The following RIT2 variants were observed in gnomAD, a reference collection of about 807,000 sequenced individuals.
RIT2 encodes the protein GTP-binding protein Rit2.
A neutral mutation model predicts 23.7 loss-of-function variants in RIT2; 24 were observed. That is an observed-to-expected ratio of 1.01 (90% CI 0.73 to 1.43). RIT2 has a LOEUF of 1.43. Among genes scored for constraint, RIT2 ranks in the 40% most tolerant of loss-of-function variants. RIT2 has a pLI of 0.00. For synonymous variants in RIT2, 107 were observed against 91.1 expected (o/e 1.17, Z -0.99); for missense variants, 236 against 266.9 (o/e 0.88, Z 0.81).
intron 4 of RIT2, among the ~76,000 whole-genome samples, chr18:42,864,610 A>G (rs1178194702): frequency 6.6e-6 from 1 of 152,138 alleles, no homozygotes; most frequent in African/African-American, 2.4e-5. Flanking sequence ...GAAATTCTTG[A>G]GTTTTTAGGG....
intron 3 of RIT2, among the ~76,000 whole-genome samples, chr18:42,930,590 A>T (rs2144144204): frequency 6.6e-6 from 1 of 152,270 alleles, no homozygotes; most frequent in African/African-American, 2.4e-5. Flanking sequence ...CAGTTTTTGT[A>T]GCCCTGGATC....
chr18:42,901,197 A>G (rs971324967), intron 4 of RIT2, among the ~76,000 whole-genome samples: 3 of 152,070 alleles, frequency 2.0e-5, no homozygotes, highest in Non-Finnish European at 4.4e-5. Flanking sequence ...GCTTGAGTTC[A>G]TATTAGTTTA....
At chr18:42,980,535 C>T (rs940384706) in intron 2 of RIT2, among the ~76,000 whole-genome samples, 5 of 152,074 alleles carry the variant, frequency 3.3e-5, no homozygotes, top group East Asian at 1.9e-4. Context: ...TGATACCCCC[C>T]GGAGATTCCC....
chr18:43,098,700 T>G (rs1410168347), intron 1 of RIT2, among the ~76,000 whole-genome samples: 1 of 152,000 alleles, frequency 6.6e-6, no homozygotes, highest in Non-Finnish European at 1.5e-5. Context: ...AAGAATTCAT[T>G]GGAAGCCTAT....
At chr18:43,094,012 C>T (rs929538266) in intron 1 of RIT2, among the ~76,000 whole-genome samples, 2 of 151,198 alleles carry the variant, frequency 1.3e-5, no homozygotes, top group African/African-American at 2.4e-5. Context: ...GGAGCAAGCA[C>T]CAAAAATTCA....
At chr18:42,781,579 A>G (rs1913812511) in intron 4 of RIT2, among the ~76,000 whole-genome samples, 2 of 152,132 alleles carry the variant, frequency 1.3e-5, no homozygotes, top group Non-Finnish European at 2.9e-5. Context: ...CATATTCCTC[A>G]TGACTTTTAG....
chr18:42,974,785 TAAG>T (rs1390299637), intron 2 of RIT2, among the ~76,000 whole-genome samples: 6 of 152,014 alleles, frequency 3.9e-5, no homozygotes, highest in Admixed American at 2.6e-4. Flanking sequence ...AAGAGAAAAT[TAAG>T]AAATCAATTT....
intron 3 of RIT2, among the ~76,000 whole-genome samples, chr18:42,934,270 C>T (rs904028156): frequency 1.3e-5 from 2 of 152,076 alleles, no homozygotes; most frequent in Non-Finnish European, 2.9e-5. Context: ...TGTTTCATTG[C>T]ACTTTTAGAC....
chr18:42,757,530 T>C (rs1383660845), intron 4 of RIT2, among the ~76,000 whole-genome samples: 2 of 152,190 alleles, frequency 1.3e-5, no homozygotes, highest in East Asian at 3.9e-4. Context: ...AAATAAATTT[T>C]ACAAAAGTTC....
chr18:42,868,441 G>A (rs918569935), intron 4 of RIT2, among the ~76,000 whole-genome samples: 1 of 152,170 alleles, frequency 6.6e-6, no homozygotes, highest in Admixed American at 6.5e-5. Context: ...AACCAAGCCT[G>A]GCTTATCAAT....
chr18:42,897,447 G>C lies in RIT2; in HGVS notation c.426+26125C>G, dbSNP rs1469162110. 4.6e-5 allele frequency among the ~76,000 whole-genome samples: 7 copies of C among 152,154 alleles called. 1 individual carries two copies. The highest frequency in any genetic ancestry group is 2.9e-5 in the Non-Finnish European group (2 of 68,012). ...CCTTATAACTCTGTGACTGACAAAT[G>C]TAAGGACAGAAGAATAAAACATCTA... On this transcript the variant is annotated intron_variant, in intron 4 of 4. Transcript: ENST00000326695.
intron 4 of RIT2, among the ~76,000 whole-genome samples, chr18:42,778,690 T>TTG (rs1913737413): frequency 1.3e-5 from 1 of 76,514 alleles, no homozygotes; most frequent in Non-Finnish European, 4.5e-5. Context: ...CCTGTATCCT[T>TTG]TCTCGAGTCC....
rs76280801 is a variant in RIT2 at position 43,109,937 on chromosome 18, A to G, written c.103+5480T>C. On this transcript the variant is annotated intron_variant, in intron 1 of 4. Coordinates refer to ENST00000326695, the MANE Select transcript of RIT2 (RefSeq NM_002930.4). ...GAACCTTTTTCTGCTTTTCCCATAC[A>G]ATTTGATAGAAAAACAATTTAGATG... Among the ~76,000 whole-genome samples the G allele has an allele frequency of 4.7e-3, 715 of 152,244 alleles. 6 individuals are homozygous for G. The highest frequency in any genetic ancestry group is 0.016 in the African/African-American group (684 of 41,556).
chr18:42,960,106 G>C (rs1305948680), intron 3 of RIT2, among the ~76,000 whole-genome samples: 1 of 152,164 alleles, frequency 6.6e-6, no homozygotes, highest in Admixed American at 6.5e-5. Context: ...TTCTGTGGTA[G>C]ATTCCCAAGG....
chr18:42,948,856 C>T (rs1211875146), intron 3 of RIT2: 1 of 391,402 alleles, frequency 2.6e-6, no homozygotes, highest in Non-Finnish European at 4.5e-6. Flanking sequence ...TCCATTATAC[C>T]TCAAGAAACA....
intron 1 of RIT2, among the ~76,000 whole-genome samples, chr18:43,078,454 T>C (rs1300197865): frequency 6.6e-6 from 1 of 151,904 alleles, no homozygotes; most frequent in East Asian, 1.9e-4. Flanking sequence ...CTGCCACATG[T>C]ATAAATCTAC....
In RIT2 at chr18:42,882,617, T is replaced by A. The variant is rs185163768; in HGVS notation, c.426+40955A>T. ...CATAAAAAGAGGTCAGAAGTTGGTA[T>A]CAAGATCACTGGGTCTAGTCACTGT... On this transcript the variant is annotated intron_variant, in intron 4 of 4. Transcript: ENST00000326695. Among the ~76,000 whole-genome samples, 87 of 152,326 alleles carry A rather than the reference T, an allele frequency of 5.7e-4. 1 individual carries two copies. The highest frequency in any genetic ancestry group is 1.1e-3 in the Non-Finnish European group (76 of 68,034).
intron 2 of RIT2, among the ~76,000 whole-genome samples, chr18:43,026,527 C>G (rs1911722155): frequency 6.9e-6 from 1 of 144,614 alleles, no homozygotes; most frequent in Non-Finnish European, 1.5e-5. Flanking sequence ...GCACTCCAGC[C>G]TGGCAACAGA....
chr18:43,114,316 C>T (rs1914018556), intron 1 of RIT2, among the ~76,000 whole-genome samples: 1 of 152,030 alleles, frequency 6.6e-6, no homozygotes, highest in African/African-American at 2.4e-5. Flanking sequence ...CTATCTTTAA[C>T]TTTGTTGTCC....
Sources: gnomAD v4.1 joint callset for allele counts (sites outside exome capture counted in the v4.1 genomes callset) on GRCh38, gnomAD v4.1.1 for gene constraint, MANE v1.5 for transcripts, NCBI Gene and HGNC (gene_info 2026-07-23, HGNC 2026-07-21) for gene names.